The following KAZN variants were observed in gnomAD, a reference collection of about 807,000 sequenced individuals.
The protein encoded by KAZN is kazrin.
A neutral mutation model predicts 87.4 loss-of-function variants in KAZN; 40 were observed. The ratio of observed to expected loss-of-function variants is 0.46; its 90% CI spans 0.36 to 0.60. KAZN has a LOEUF of 0.60. Among genes scored for constraint, KAZN ranks in the 20% least tolerant of loss-of-function variants. The pLI, the probability that KAZN is intolerant of heterozygous loss-of-function variation, is 0.00. For synonymous variants in KAZN, 466 were observed against 458.3 expected (o/e 1.02, Z -0.22); for missense variants, 898 against 1,073.9 (o/e 0.84, Z 2.29).
intron 1 of KAZN, among the ~76,000 whole-genome samples, chr1:14,761,855 G>A (rs1644748248): frequency 6.6e-6 from 1 of 151,382 alleles, no homozygotes; most frequent in Admixed American, 6.6e-5. Flanking sequence ...ATTAAAGAGG[G>A]ATTTAGGAGT....
intron 2 of KAZN, among the ~76,000 whole-genome samples, chr1:14,372,975 T>G (rs1016150249): frequency 6.6e-6 from 1 of 152,052 alleles, no homozygotes; most frequent in Non-Finnish European, 1.5e-5. Context: ...AAAGAGCCTA[T>G]GTAGACAGAG....
intron 2 of KAZN, among the ~76,000 whole-genome samples, chr1:14,218,507 C>T (rs1025467049): frequency 2.0e-5 from 3 of 152,066 alleles, no homozygotes; most frequent in Admixed American, 1.3e-4. Flanking sequence ...ACACATACCT[C>T]GTTAGCAAGG....
In KAZN at chr1:14,415,041, G is replaced by A. The variant is rs538488039; in HGVS notation, c.250-183942G>A. Among the ~76,000 whole-genome samples, 14 of 151,960 alleles carry A rather than the reference G, an allele frequency of 9.2e-5. No individual in the cohort carries two copies. The South Asian group carries it at 1.0e-3, about 11-fold the overall frequency. On this transcript the variant is annotated intron_variant, in intron 2 of 16. Transcript: ENST00000636203. ...ACTGCATCTCAAAATAAATAAATAC[G>A]TACGTACATACATACAAAAAAGGAA...
intron 1 of KAZN, among the ~76,000 whole-genome samples, chr1:14,633,075 C>T (rs1276679541): frequency 6.6e-6 from 1 of 152,080 alleles, no homozygotes; most frequent in Non-Finnish European, 1.5e-5. Context: ...TGCCATCGTG[C>T]CTGGCCAATT....
intron 1 of KAZN, among the ~76,000 whole-genome samples, chr1:14,844,139 A>G (rs1049378824): frequency 3.9e-5 from 6 of 152,084 alleles, no homozygotes; most frequent in Non-Finnish European, 8.8e-5. Context: ...GTCCAGACTG[A>G]GCCTGCTTCT....
chr1:14,375,271 T>C (rs1053313243), intron 2 of KAZN, among the ~76,000 whole-genome samples: 5 of 152,082 alleles, frequency 3.3e-5, no homozygotes, highest in African/African-American at 4.8e-5. Flanking sequence ...TAAGGGACCA[T>C]CACAGAAAGC....
rs79354226 is a variant in KAZN at position 14,792,285 on chromosome 1, A to C, written c.227-168399A>C. The stretch of plus-strand genomic sequence containing the variant: ...CCCAGTCACCTGTGTGCAGGGAGGC[A>C]GATAAGAATATCAGCTTGAGAGCTG... On this transcript the variant is annotated intron_variant, in intron 1 of 14. Transcript: ENST00000376030. Among the ~76,000 whole-genome samples the C allele has an allele frequency of 7.3e-3, 1,107 of 152,354 alleles. 19 individuals are homozygous for C. The highest frequency in any genetic ancestry group is 0.025 in the African/African-American group (1,055 of 41,586).
At chr1:13,951,806 C>T (rs1293052370) in intron 1 of KAZN, among the ~76,000 whole-genome samples, 2 of 152,110 alleles carry the variant, frequency 1.3e-5, no homozygotes, top group Non-Finnish European at 2.9e-5. Flanking sequence ...GATTCCCACC[C>T]CCTTACCACC....
chr1:14,421,247 G>A (rs1665407716), intron 2 of KAZN, among the ~76,000 whole-genome samples: 1 of 152,176 alleles, frequency 6.6e-6, no homozygotes, highest in Non-Finnish European at 1.5e-5. Flanking sequence ...ATATTCCTTG[G>A]AGTGATGGGG....
intron 2 of KAZN, among the ~76,000 whole-genome samples, chr1:14,418,065 A>G (rs1664972376): frequency 7.2e-6 from 1 of 138,934 alleles, no homozygotes; most frequent in Non-Finnish European, 1.5e-5. Context: ...AAGATTTGCC[A>G]TCTCTAGACA....
chr1:14,305,332 C>T (rs1293575035), intron 2 of KAZN, among the ~76,000 whole-genome samples: 1 of 152,146 alleles, frequency 6.6e-6, no homozygotes, highest in Non-Finnish European at 1.5e-5. Context: ...TTTAGAGGGC[C>T]TGACAACTTC....
At chr1:14,644,909 G>A (rs1216356831) in intron 1 of KAZN, among the ~76,000 whole-genome samples, 6 of 152,120 alleles carry the variant, frequency 3.9e-5, no homozygotes, top group Admixed American at 2.6e-4. Context: ...TGCCTAAGTT[G>A]TCTTTCAGGA....
chr1:14,386,605 G>T (rs200631323), intron 2 of KAZN, among the ~76,000 whole-genome samples: 49,104 of 151,326 alleles, frequency 0.32, 8,788 homozygotes, highest in East Asian at 0.72. Context: ...AATTCGGGGT[G>T]GAAAATTCTT....
chr1:14,579,760 A>G (rs1478612215), intron 2 of KAZN, among the ~76,000 whole-genome samples: 3 of 152,132 alleles, frequency 2.0e-5, no homozygotes, highest in East Asian at 1.9e-4. Flanking sequence ...TGGCTGCTGT[A>G]TTGCTGGGTA....
rs565621342 is a variant in KAZN at position 14,413,071 on chromosome 1, T to C, written c.250-185912T>C. On this transcript the variant is annotated intron_variant, in intron 2 of 16. Coordinates refer to the KAZN transcript ENST00000636203. ...AATCTGAGCATTCTACTTTGGGTCA[T>C]TGATCCATTTGTTTATATATAATAT... Among the ~76,000 whole-genome samples, 13 of 149,518 alleles carry C rather than the reference T, an allele frequency of 8.7e-5. No homozygotes were observed. The South Asian group carries it at 2.1e-3, about 24-fold the overall frequency.
At chr1:14,017,345 G>T (rs1374774440) in intron 1 of KAZN, among the ~76,000 whole-genome samples, 1 of 152,186 alleles carries the variant, frequency 6.6e-6, no homozygotes, top group Non-Finnish European at 1.5e-5. Flanking sequence ...CTAGATTCAG[G>T]AAGTAACTTG....
At chr1:14,663,403 G>T (rs191687629) in intron 1 of KAZN, among the ~76,000 whole-genome samples, 1 of 152,286 alleles carries the variant, frequency 6.6e-6, no homozygotes, top group Admixed American at 6.5e-5. Flanking sequence ...GCCAAGCCCA[G>T]ACCTACCTAA....
chr1:14,624,379 G>A lies in KAZN; in HGVS notation c.226+25156G>A, dbSNP rs138707124. On this transcript the variant is annotated intron_variant, in intron 1 of 14. Transcript: ENST00000376030. Reference sequence around the variant, plus strand: ...GGAGGTTGCAGTGAGCCAAGATCGCGCCACTGCACTCCAGCCTGGCCAACA... The same window carrying A: ...GGAGGTTGCAGTGAGCCAAGATCGCACCACTGCACTCCAGCCTGGCCAACA... Among the ~76,000 whole-genome samples the A allele has an allele frequency of 1.8e-4, 27 of 150,872 alleles. No homozygotes were observed. The East Asian group carries it at 2.9e-3, about 16-fold the overall frequency.
At chr1:14,663,886 A>G (rs1639345845) in intron 1 of KAZN, among the ~76,000 whole-genome samples, 1 of 152,194 alleles carries the variant, frequency 6.6e-6, no homozygotes, top group South Asian at 2.1e-4. Flanking sequence ...TACTAGTGTT[A>G]TTTTCAAAAG....
Sources: gnomAD v4.1 joint callset for allele counts (sites outside exome capture counted in the v4.1 genomes callset) on GRCh38, gnomAD v4.1.1 for gene constraint, MANE v1.5 for transcripts, NCBI Gene and HGNC (gene_info 2026-07-23, HGNC 2026-07-21) for gene names.